NOTCH2: variants seen among roughly 807,000 people sequenced by gnomAD.
The protein encoded by NOTCH2 is neurogenic locus notch homolog protein 2.
In NOTCH2, 29 loss-of-function variants were observed where a neutral mutation model predicts 235.8. The ratio of observed to expected loss-of-function variants is 0.12; its 90% CI spans 0.09 to 0.17. NOTCH2 has a LOEUF of 0.17. Among genes scored for constraint, NOTCH2 ranks in the 10% least tolerant of loss-of-function variants. The pLI is 1.00. For synonymous variants in NOTCH2, 1,086 were observed against 1,141.5 expected (o/e 0.95, Z 0.98); for missense variants, 2,285 against 3,150.2 (o/e 0.73, Z 6.57).
intron 15 of NOTCH2, among the ~76,000 whole-genome samples, chr1:119,949,849 T>C (rs148087826): frequency 6.6e-6 from 1 of 152,222 alleles, no homozygotes; most frequent in Non-Finnish European, 1.5e-5. Context: ...GCCATGCTCC[T>C]GACTGCATGC....
intron 8 of NOTCH2, among the ~76,000 whole-genome samples, chr1:119,967,179 C>A (rs1289254001): frequency 6.6e-6 from 1 of 152,128 alleles, no homozygotes; most frequent in East Asian, 1.9e-4. Flanking sequence ...TTGAAATTTT[C>A]TATTACATGT....
chr1:119,963,568 G>T lies in NOTCH2; in HGVS notation c.1915+6C>A. The T allele has an allele frequency of 6.2e-7, 1 of 1,610,138 alleles. No homozygotes were observed. Among genetic ancestry groups the T allele is most frequent in the Non-Finnish European group, 8.5e-7 (1 of 1,176,358 alleles). ...CCCATACCAAACATAAACAGAGTGG[G>T]CTTACCTGACGTGCCTGGCTGGCAG... On this transcript the variant is annotated splice_donor_region_variant and intron_variant, in intron 11 of 33. Transcript: ENST00000256646.
intron 12 of NOTCH2, among the ~76,000 whole-genome samples, chr1:119,956,738 C>T (rs1553198393): frequency 6.6e-6 from 1 of 152,124 alleles, no homozygotes; most frequent in African/African-American, 2.4e-5. Flanking sequence ...TTCTTGGAAG[C>T]GTCTCCTCAG....
chr1:119,983,854 A>G (rs1553201935), intron 5 of NOTCH2, among the ~76,000 whole-genome samples: 2 of 152,202 alleles, frequency 1.3e-5, no homozygotes, highest in Non-Finnish European at 2.9e-5. Flanking sequence ...AGCATGGCAA[A>G]TTTCCAAATC....
Position 119,919,428 on chromosome 1 carries a change from G to T in NOTCH2, c.5665C>A (p.Arg1889=), listed in dbSNP as rs750477480. Residue 1889 remains arginine (R), a synonymous_variant, in exon 31 of 34, where the codon CGG becomes AGG. Coordinates refer to ENST00000256646, the MANE Select transcript of NOTCH2 (RefSeq NM_024408.4). ...AGGAGACGCTTGGCAGCATCAGCCC[G>T]TGAGTAGCGGGCTGCAAGGTGCAGG... ...MALHLAARYS[R]ADAAKRLLDA... is the part of the protein sequence containing the mutation. The T allele has an allele frequency of 6.2e-7, 1 of 1,613,806 alleles. No homozygotes were observed. Among genetic ancestry groups the T allele is most frequent in the Admixed American group, 1.7e-5 (1 of 60,026 alleles).
At chr1:119,930,952 A>C (rs1205803596) in intron 22 of NOTCH2, among the ~76,000 whole-genome samples, 13 of 151,094 alleles carry the variant, frequency 8.6e-5, no homozygotes, top group African/African-American at 3.2e-4. Flanking sequence ...ACAAAAAAAA[A>C]ATTAGCCAGG....
chr1:119,937,273 T>C lies in NOTCH2; in HGVS notation c.3522+9A>G. The C allele has an allele frequency of 6.2e-7, 1 of 1,612,920 alleles. No individual in the cohort carries two copies. The highest frequency in any genetic ancestry group is 1.1e-5 in the South Asian group (1 of 91,022). ...AGGTCCATGACCTCTGCTTGCTCAG[T>C]GTCCTCACCTCGCATCTGTATCCAC... On this transcript the variant is annotated intron_variant, in intron 21 of 33. Coordinates refer to ENST00000256646, the MANE Select transcript of NOTCH2 (RefSeq NM_024408.4).
chr1:119,981,048 T>A (rs1213384537), intron 5 of NOTCH2, among the ~76,000 whole-genome samples: 2 of 152,130 alleles, frequency 1.3e-5, no homozygotes, highest in Admixed American at 1.3e-4. Context: ...ACTTGACACA[T>A]TCCATGGTAA....
intron 1 of NOTCH2, among the ~76,000 whole-genome samples, chr1:120,046,129 C>T (rs11484945): frequency 5.6e-4 from 81 of 143,376 alleles, no homozygotes; most frequent in African/African-American, 2.1e-3. Context: ...CCAGATTTCA[C>T]AAAGTAGGAT....
intron 10 of NOTCH2, 125 bp downstream of exon 10, chr1:119,965,328 C>T (rs1374676990): frequency 2.4e-6 from 2 of 835,720 alleles, no homozygotes; most frequent in African/African-American, 3.3e-5. Context: ...AACAGCTCTT[C>T]CTAAACACAG....
intron 5 of NOTCH2, among the ~76,000 whole-genome samples, chr1:119,981,658 C>A (rs1347577813): frequency 6.6e-6 from 1 of 152,100 alleles, no homozygotes; most frequent in Non-Finnish European, 1.5e-5. Flanking sequence ...TTGTTTCCAC[C>A]AACAGCGCCA....
chr1:119,949,559 T>G (rs1316759495), intron 15 of NOTCH2, among the ~76,000 whole-genome samples: 2 of 151,974 alleles, frequency 1.3e-5, no homozygotes, highest in Non-Finnish European at 2.9e-5. Flanking sequence ...GCTAATTTTT[T>G]ATATTTTTAG....
intron 1 of NOTCH2, among the ~76,000 whole-genome samples, chr1:120,035,547 A>T (rs1553211684): frequency 6.7e-6 from 1 of 149,860 alleles, no homozygotes; most frequent in African/African-American, 2.5e-5. Context: ...CTGTGCTTCC[A>T]CTGATTTCTG....
intron 5 of NOTCH2, 38 bp downstream of exon 5, chr1:119,986,922 C>T (rs1652040981): frequency 6.2e-7 from 1 of 1,612,964 alleles, no homozygotes; most frequent in East Asian, 2.2e-5. Flanking sequence ...GTTACCAATC[C>T]ATATCCCATT....
Position 120,069,658 on chromosome 1 carries a change from A to AGCCTCGTGTGTCCTTCC in NOTCH2, c.-253_-252insGGAAGGACACACGAGGC, listed in dbSNP as rs1655695413. On this transcript the variant is annotated 5_prime_UTR_variant, in exon 1 of 34. Transcript: ENST00000256646. ...AACTTTCTCGGGTGTGCAACGAAGCAGCCTCGTGTGTCCTTCCGCCTCAGC... is the reference window on the plus strand; with the variant it reads ...AACTTTCTCGGGTGTGCAACGAAGCAGCCTCGTGTGTCCTTCCGCCTCGTGTGTCCTTCCGCCTCAGC... 1 of 1,341,670 alleles carries AGCCTCGTGTGTCCTTCC rather than the reference A, an allele frequency of 7.5e-7. No individual in the cohort carries two copies. Among genetic ancestry groups the AGCCTCGTGTGTCCTTCC allele is most frequent in the African/African-American group, 1.6e-5 (1 of 64,284 alleles). The allele number at this position is 1,341,670 out of a possible 1,614,324, so 83.1% of individuals were successfully genotyped here.
chr1:120,030,234 C>A (rs1230753743), intron 1 of NOTCH2, among the ~76,000 whole-genome samples: 1 of 152,086 alleles, frequency 6.6e-6, no homozygotes, highest in Non-Finnish European at 1.5e-5. Context: ...GTATCTCCAG[C>A]TGTTACATCT....
intron 15 of NOTCH2, chr1:119,950,176 G>C: frequency 3.3e-6 from 1 of 303,322 alleles, no homozygotes; most frequent in Non-Finnish European, 6.4e-6. Flanking sequence ...AAGAGGAAAA[G>C]CTTCAGATTC....
intron 8 of NOTCH2, 136 bp from the exon 9 acceptor site, chr1:119,966,625 T>C (rs1651147608): frequency 1.4e-6 from 1 of 711,700 alleles, no homozygotes; most frequent in Non-Finnish European, 2.6e-6. Context: ...AACTCTGCCA[T>C]GATGAGAAAT....
At chr1:119,921,947 AT>A in intron 28 of NOTCH2, 138 bp from the exon 29 acceptor site, 1 of 790,482 alleles carries the variant, frequency 1.3e-6, no homozygotes, top group Non-Finnish European at 2.1e-6. Flanking sequence ...GATGGGCAGT[AT>A]TTTTGGTGAC....
Sources: allele counts gnomAD v4.1 joint callset (sites outside exome capture counted in the v4.1 genomes callset), GRCh38; gene constraint gnomAD v4.1.1; transcripts MANE v1.5; gene names NCBI Gene and HGNC (gene_info 2026-07-23, HGNC 2026-07-21).